The following APPBP2 variants were observed in gnomAD, a reference collection of about 807,000 sequenced individuals.
APPBP2 encodes the protein amyloid protein-binding protein 2.
APPBP2 carries 15 observed loss-of-function variants against 76.0 expected under a neutral mutation model. The ratio of observed to expected loss-of-function variants is 0.20; its 90% CI spans 0.13 to 0.30. The LOEUF (loss-of-function observed/expected upper bound fraction) is 0.30. APPBP2 is among the 10% of genes least tolerant of loss of function. APPBP2 has a pLI of 1.00. For synonymous variants in APPBP2, 222 were observed against 242.2 expected (o/e 0.92, Z 0.77); for missense variants, 401 against 687.2 (o/e 0.58, Z 4.66).
chr17:60,448,202 G>C (rs2090365320), intron 12 of APPBP2, among the ~76,000 whole-genome samples: 1 of 152,192 alleles, frequency 6.6e-6, no homozygotes. Flanking sequence ...CAGCACTTTG[G>C]GAGGCCAAGG....
At chr17:60,475,025 C>A (rs954408140) in intron 4 of APPBP2, among the ~76,000 whole-genome samples, 1 of 152,006 alleles carries the variant, frequency 6.6e-6, no homozygotes, top group African/African-American at 2.4e-5. Context: ...GTCAGGAGAT[C>A]GACACCATCC....
At position 60,447,468 on chromosome 17, in the gene APPBP2, C is replaced by T; in HGVS notation, c.*113G>A. The T allele has an allele frequency of 7.9e-7, 1 of 1,258,856 alleles. No homozygotes were observed. The highest frequency in any genetic ancestry group is 1.5e-5 in the African/African-American group (1 of 66,708). The allele number at this position is 1,258,856 out of a possible 1,614,324, so 78.0% of individuals were successfully genotyped here. On this transcript the variant is annotated 3_prime_UTR_variant, in exon 13 of 13. Coordinates refer to ENST00000083182, the MANE Select transcript of APPBP2 (RefSeq NM_006380.5). ...CACCCAAAATAGGGTCTTCAATGGA[C>T]TGGACCAGTGTTTCAATGCAAATTC...
At chr17:60,461,433 C>G (rs1444010484) in intron 8 of APPBP2, 2 of 171,106 alleles carry the variant, frequency 1.2e-5, no homozygotes, top group African/African-American at 4.8e-5. Context: ...TGGCATAATA[C>G]ATCATTTACC....
chr17:60,448,066 T>C (rs1199091225), intron 12 of APPBP2, among the ~76,000 whole-genome samples: 2 of 152,190 alleles, frequency 1.3e-5, no homozygotes, highest in Admixed American at 6.6e-5. Context: ...CTCATTAGAA[T>C]AGAATTATAA....
chr17:60,513,371 T>C lies in APPBP2; in HGVS notation c.138+12423A>G, dbSNP rs113893913. 7.5e-4 allele frequency: 493 copies of C among 661,586 alleles called. 1 individual carries two copies. The African/African-American group carries it at 8.0e-3, about 11-fold the overall frequency. 41.0% of individuals were successfully genotyped at this position (661,586 alleles called of 1,614,324 possible). ...CTAGAGGAACAGCTTATGTGGTCTA[T>C]GAAGACATCTTTGTTGCCAAGAATG... On this transcript the variant is annotated intron_variant, in intron 1 of 12. Coordinates refer to ENST00000083182, the MANE Select transcript of APPBP2 (RefSeq NM_006380.5).
At chr17:60,452,595 TTTAC>T (rs2090403146) in intron 11 of APPBP2, among the ~76,000 whole-genome samples, 1 of 152,200 alleles carries the variant, frequency 6.6e-6, no homozygotes, top group African/African-American at 2.4e-5. Flanking sequence ...CCTCTCACTC[TTTAC>T]TTACTGTGAT....
chr17:60,482,044 G>A (rs7212594), intron 3 of APPBP2, among the ~76,000 whole-genome samples: 12,503 of 152,074 alleles, frequency 0.082, 1,701 homozygotes, highest in African/African-American at 0.28. Context: ...CACCACGCCC[G>A]GCTAATTTTG....
intron 4 of APPBP2, among the ~76,000 whole-genome samples, chr17:60,467,919 G>A (rs1436872127): frequency 1.3e-5 from 2 of 152,164 alleles, no homozygotes; most frequent in Non-Finnish European, 2.9e-5. Context: ...GTGAATAAAA[G>A]ATTATGTAAA....
At chr17:60,512,936 TAAAAA>T (rs961836060) in intron 1 of APPBP2, among the ~76,000 whole-genome samples, 1 of 137,248 alleles carries the variant, frequency 7.3e-6, no homozygotes, top group African/African-American at 2.7e-5. Flanking sequence ...AGTCTTCACT[TAAAAA>T]AAAAATTTTT....
At chr17:60,478,813 G>A (rs1200635980) in intron 4 of APPBP2, among the ~76,000 whole-genome samples, 1 of 152,192 alleles carries the variant, frequency 6.6e-6, no homozygotes, top group Middle Eastern at 3.2e-3. Context: ...GGGAGGCTGA[G>A]ACAGGAGAAT....
chr17:60,525,704 G>A, intron 1 of APPBP2, 90 bp downstream of exon 1: 1 of 1,579,930 alleles, frequency 6.3e-7, no homozygotes, highest in Non-Finnish European at 8.6e-7. Context: ...GAAGGGGTGA[G>A]GGGTTAACTG....
At chr17:60,475,192 T>C (rs1325344578) in intron 4 of APPBP2, among the ~76,000 whole-genome samples, 2 of 151,940 alleles carry the variant, frequency 1.3e-5, no homozygotes, top group Non-Finnish European at 2.9e-5. Flanking sequence ...ATCACACCAC[T>C]GCACTCCAGC....
chr17:60,524,796 C>T (rs769921852), intron 1 of APPBP2, among the ~76,000 whole-genome samples: 26 of 152,272 alleles, frequency 1.7e-4, no homozygotes, highest in South Asian at 1.0e-3. Flanking sequence ...AAATAAATTA[C>T]ATTCTACTTT....
chr17:60,455,890 G>A (rs2090427443), intron 10 of APPBP2, among the ~76,000 whole-genome samples: 1 of 152,010 alleles, frequency 6.6e-6, no homozygotes, highest in South Asian at 2.1e-4. Flanking sequence ...CGATTCTCCT[G>A]CCTCAGCCTC....
At chr17:60,513,738 C>G (rs1398177479) in intron 1 of APPBP2, among the ~76,000 whole-genome samples, 1 of 151,672 alleles carries the variant, frequency 6.6e-6, no homozygotes, top group Non-Finnish European at 1.5e-5. Flanking sequence ...TGGCGGGTGC[C>G]TGTAATCCCA....
At chr17:60,451,365 C>CT (rs1235889271) in intron 12 of APPBP2, among the ~76,000 whole-genome samples, 1 of 152,210 alleles carries the variant, frequency 6.6e-6, no homozygotes, top group Non-Finnish European at 1.5e-5. Flanking sequence ...TCAAAAAAAG[C>CT]ACCTTTAGCA....
At chr17:60,511,282 T>C (rs1057255068) in intron 1 of APPBP2, among the ~76,000 whole-genome samples, 1 of 152,080 alleles carries the variant, frequency 6.6e-6, no homozygotes, top group Non-Finnish European at 1.5e-5. Flanking sequence ...GATAGGGCAG[T>C]ATAGCTATAA....
chr17:60,448,563 G>A (rs980021176), intron 12 of APPBP2, among the ~76,000 whole-genome samples: 27 of 152,186 alleles, frequency 1.8e-4, no homozygotes, highest in Admixed American at 8.5e-4. Flanking sequence ...ACAAAAACAC[G>A]TAGAATAGTT....
At chr17:60,487,278 C>T (rs1172151829) in intron 3 of APPBP2, among the ~76,000 whole-genome samples, 5 of 152,114 alleles carry the variant, frequency 3.3e-5, no homozygotes, top group African/African-American at 1.2e-4. Flanking sequence ...TGGATAATAT[C>T]CTGAAGTGTC....
Sources: gnomAD v4.1 joint callset for allele counts (sites outside exome capture counted in the v4.1 genomes callset) on GRCh38, gnomAD v4.1.1 for gene constraint, MANE v1.5 for transcripts, NCBI Gene and HGNC (gene_info 2026-07-23, HGNC 2026-07-21) for gene names.